FCHSD2: variants seen among roughly 807,000 people sequenced by gnomAD.
FCHSD2 encodes FCH and double SH3 domains 2.
FCHSD2 carries 38 observed loss-of-function variants against 108.1 expected under a neutral mutation model. The observed-to-expected ratio is 0.35, with a 90% CI of 0.27 to 0.46. The LOEUF (loss-of-function observed/expected upper bound fraction) is 0.46. Among genes scored for constraint, FCHSD2 ranks in the 20% least tolerant of loss-of-function variants. The pLI is 1.00. For synonymous variants in FCHSD2, 279 were observed against 314.7 expected, an observed-to-expected ratio of 0.89 and a Z score of 1.20; for missense variants, 751 against 897.8, an observed-to-expected ratio of 0.84 and a Z score of 2.09.
At chr11:73,124,584 C>A (rs577786257) in intron 2 of FCHSD2, among the ~76,000 whole-genome samples, 49 of 152,016 alleles carry the variant, frequency 3.2e-4, no homozygotes, top group African/African-American at 1.2e-3. Flanking sequence ...GGTGAAACCC[C>A]GCCTCTACTG....
At chr11:73,003,943 C>T (rs1857681502) in intron 4 of FCHSD2, among the ~76,000 whole-genome samples, 1 of 150,968 alleles carries the variant, frequency 6.6e-6, no homozygotes, top group South Asian at 2.1e-4. Context: ...CCCGTCTCTA[C>T]TGAAAATACA....
intron 9 of FCHSD2, among the ~76,000 whole-genome samples, chr11:72,911,110 T>A (rs953722731): frequency 2.0e-5 from 3 of 152,208 alleles, no homozygotes; most frequent in Admixed American, 1.3e-4. Flanking sequence ...TTTTAGTAGT[T>A]TCATAGTTTG....
At chr11:73,033,351 C>T (rs1858411855) in intron 3 of FCHSD2, among the ~76,000 whole-genome samples, 1 of 151,488 alleles carries the variant, frequency 6.6e-6, no homozygotes, top group Admixed American at 6.6e-5. Context: ...CCACTCTAGT[C>T]CTGTCCAAAG....
intron 2 of FCHSD2, among the ~76,000 whole-genome samples, chr11:73,119,959 G>A (rs566149347): frequency 1.3e-5 from 2 of 152,268 alleles, no homozygotes; most frequent in South Asian, 2.1e-4. Flanking sequence ...GTTCCACATG[G>A]CTGGGGAAGC....
chr11:72,935,931 A>G (rs1856291106), intron 8 of FCHSD2, among the ~76,000 whole-genome samples: 1 of 152,230 alleles, frequency 6.6e-6, no homozygotes, highest in African/African-American at 2.4e-5. Context: ...GATAAGTCAG[A>G]TGTCTGAAAA....
At chr11:73,108,729 C>A (rs1387575159) in intron 2 of FCHSD2, among the ~76,000 whole-genome samples, 1 of 152,010 alleles carries the variant, frequency 6.6e-6, no homozygotes, top group East Asian at 1.9e-4. Context: ...CCACCGCGCC[C>A]GGCTAATTTT....
intron 2 of FCHSD2, among the ~76,000 whole-genome samples, chr11:73,125,011 C>T (rs2135563695): frequency 6.6e-6 from 1 of 152,278 alleles, no homozygotes. Flanking sequence ...ACTGGAGTGA[C>T]CAACTCAGAA....
chr11:72,846,452 T>C (rs1861145834), intron 14 of FCHSD2, among the ~76,000 whole-genome samples: 1 of 152,260 alleles, frequency 6.6e-6, no homozygotes, highest in African/African-American at 2.4e-5. Flanking sequence ...CGTGCTGGGA[T>C]TACAGGCGTG....
intron 2 of FCHSD2, among the ~76,000 whole-genome samples, chr11:73,101,955 A>G (rs1349952070): frequency 6.6e-6 from 1 of 152,204 alleles, no homozygotes; most frequent in Admixed American, 6.5e-5. Flanking sequence ...TATGAAGGCT[A>G]GCAAGTCCAA....
intron 2 of FCHSD2, among the ~76,000 whole-genome samples, chr11:73,101,162 G>T (rs992994189): frequency 1.3e-5 from 2 of 152,118 alleles, no homozygotes; most frequent in Non-Finnish European, 2.9e-5. Flanking sequence ...CTGAGGTTTA[G>T]TTCCGACCTG....
chr11:73,082,855 A>G (rs534583845), intron 3 of FCHSD2, among the ~76,000 whole-genome samples: 3 of 152,322 alleles, frequency 2.0e-5, no homozygotes, highest in South Asian at 4.1e-4. Context: ...TTTGTACATG[A>G]AAGAATAGTT....
At chr11:73,097,215 G>T (rs977562740) in intron 2 of FCHSD2, among the ~76,000 whole-genome samples, 1 of 151,022 alleles carries the variant, frequency 6.6e-6, no homozygotes, top group East Asian at 1.9e-4. Context: ...TGCTGCCCAG[G>T]CTGGTCTTAA....
chr11:72,858,398 A>C (rs1035243581), intron 13 of FCHSD2, among the ~76,000 whole-genome samples: 17 of 152,292 alleles, frequency 1.1e-4, no homozygotes, highest in African/African-American at 4.1e-4. Context: ...CTGGATAAAG[A>C]AAATGTGGTA....
chr11:72,887,368 T>C, intron 12 of FCHSD2, 102 bp downstream of exon 12: 1 of 729,520 alleles, frequency 1.4e-6, no homozygotes, highest in South Asian at 1.7e-5. Flanking sequence ...GTGAATCACC[T>C]TCATCTCAGT....
chr11:72,998,411 A>C (rs1407816433), intron 5 of FCHSD2, among the ~76,000 whole-genome samples: 4 of 152,034 alleles, frequency 2.6e-5, no homozygotes. Context: ...GTGTGGTGGC[A>C]CACGCCTGTA....
chr11:73,055,008 G>A lies in FCHSD2; in HGVS notation c.165+28687C>T, dbSNP rs114673292. ...GAGGTTTAATGGACTGTGGTTCCAC[G>A]TGGCTGGGGAGGCCTCAAAATCATG... On this transcript the variant is annotated intron_variant, in intron 3 of 19. Transcript: ENST00000409418. Among the ~76,000 whole-genome samples, 467 of 152,270 alleles carry A rather than the reference G, an allele frequency of 3.1e-3. 5 individuals are homozygous for A. The highest frequency in any genetic ancestry group is 0.011 in the African/African-American group (443 of 41,552).
chr11:73,062,340 G>A (rs1859187365), intron 3 of FCHSD2, among the ~76,000 whole-genome samples: 2 of 152,178 alleles, frequency 1.3e-5, no homozygotes, highest in Non-Finnish European at 2.9e-5. Context: ...AGAAAGCAGT[G>A]CAAAAAGGCT....
At chr11:72,906,940 G>A (rs1855642609) in intron 9 of FCHSD2, among the ~76,000 whole-genome samples, 2 of 152,172 alleles carry the variant, frequency 1.3e-5, no homozygotes, top group African/African-American at 4.8e-5. Flanking sequence ...CTTTAAAGTA[G>A]TTTTTTCCAA....
intron 3 of FCHSD2, among the ~76,000 whole-genome samples, chr11:73,047,748 A>G (rs910725391): frequency 6.6e-6 from 1 of 152,200 alleles, no homozygotes; most frequent in African/African-American, 2.4e-5. Context: ...GGACTATCAA[A>G]ATGCTATAAA....
Sources: allele counts gnomAD v4.1 joint callset (sites outside exome capture counted in the v4.1 genomes callset), GRCh38; gene constraint gnomAD v4.1.1; transcripts MANE v1.5; gene names NCBI Gene and HGNC (gene_info 2026-07-23, HGNC 2026-07-21).